Variants in UNC79 observed in about 807,000 individuals in gnomAD.
The protein encoded by UNC79 is protein unc-79 homolog.
Under a neutral mutation model 283.1 loss-of-function variants are expected in UNC79, and 37 were observed. The ratio of observed to expected loss-of-function variants is 0.13; its 90% CI spans 0.10 to 0.17. UNC79 has a LOEUF of 0.17. Ranked by LOEUF, UNC79 falls within the 10% of genes least tolerant of loss-of-function variation. The pLI is 1.00. For synonymous variants in UNC79, 1,107 were observed against 1,200.2 expected, an observed-to-expected ratio of 0.92 and a Z score of 1.61; for missense variants, 2,272 against 3,211.1, an observed-to-expected ratio of 0.71 and a Z score of 7.07.
intron 6 of UNC79, 129 bp from the exon 7 acceptor site, chr14:93,497,028 T>A: frequency 3.1e-6 from 3 of 963,168 alleles, no homozygotes; most frequent in Non-Finnish European, 4.6e-6. Flanking sequence ...CATGTCTGCA[T>A]GAGATTCCAG....
Position 93,673,288 on chromosome 14 carries a change from A to G in UNC79, c.6637-63A>G. 2.1e-6 allele frequency: 3 copies of G among 1,452,942 alleles called. 1 individual carries two copies. In the South Asian group the frequency reaches 3.8e-5, roughly 18 times the overall value. 90.0% of individuals were successfully genotyped at this position (1,452,942 alleles called of 1,614,324 possible). On this transcript the variant is annotated intron_variant, in intron 40 of 48. Transcript: ENST00000555664. ...CGTGAATTTTTTGGAAGCTCTTTTG[A>G]CATGGATATACTCTAATTGAATTTC...
At chr14:93,521,702 A>C (rs2060328471) in intron 7 of UNC79, among the ~76,000 whole-genome samples, 1 of 150,838 alleles carries the variant, frequency 6.6e-6, no homozygotes, top group Admixed American at 6.6e-5. Flanking sequence ...AGGCAAGTCT[A>C]ATACCAATTT....
At chr14:93,698,006 A>T (rs1007032643) in intron 47 of UNC79, among the ~76,000 whole-genome samples, 1 of 152,158 alleles carries the variant, frequency 6.6e-6, no homozygotes, top group Non-Finnish European at 1.5e-5. Flanking sequence ...GATTATTTAG[A>T]ACTATATTGT....
At chr14:93,597,655 A>C in intron 24 of UNC79, 115 bp downstream of exon 24, 2 of 1,151,754 alleles carry the variant, frequency 1.7e-6, no homozygotes, top group Non-Finnish European at 1.2e-6. Context: ...AATACCATAA[A>C]CTGGGTAGTT....
chr14:93,467,079 CTCA>C (rs146017783), intron 1 of UNC79, among the ~76,000 whole-genome samples: 2,296 of 152,260 alleles, frequency 0.015, 58 homozygotes, highest in African/African-American at 0.053. Context: ...TTACTTAACA[CTCA>C]TCATGTTAAT....
intron 1 of UNC79, among the ~76,000 whole-genome samples, chr14:93,402,322 TA>T (rs1356305268): frequency 1.4e-5 from 2 of 147,056 alleles, no homozygotes; most frequent in African/African-American, 2.5e-5. Context: ...AAAACCAGCT[TA>T]AAAAAATTAT....
exon 12 of UNC79, chr14:93,538,003 C>A (rs761016692): frequency 6.2e-7 from 1 of 1,612,828 alleles, no homozygotes; most frequent in Non-Finnish European, 8.5e-7. Context: ...GCAGTTCCCA[C>A]GTTAGAAGAG....
At chr14:93,452,877 G>A (rs961018903) in intron 1 of UNC79, among the ~76,000 whole-genome samples, 1 of 152,140 alleles carries the variant, frequency 6.6e-6, no homozygotes, top group Non-Finnish European at 1.5e-5. Flanking sequence ...AGTTTTAAGA[G>A]TCTTAAAAGC....
Position 93,523,964 on chromosome 14 carries a change from GCTTTA to G in UNC79, c.899-7_899-3del. The G allele has an allele frequency of 6.2e-7, 1 of 1,613,404 alleles. No individual in the cohort carries two copies. Among genetic ancestry groups the G allele is most frequent in the Non-Finnish European group, 8.5e-7 (1 of 1,179,404 alleles). ...TCAATGAGAAGTATTCATCAGCTGT[GCTTTA>G]CTTTACAGCTTGGAATCCCATCCAC... On this transcript the variant is annotated splice_polypyrimidine_tract_variant and intron_variant, in intron 7 of 48. Coordinates refer to ENST00000555664, the Ensembl canonical transcript of UNC79.
At chr14:93,650,276 T>C (rs1050225602) in intron 35 of UNC79, among the ~76,000 whole-genome samples, 1 of 152,208 alleles carries the variant, frequency 6.6e-6, no homozygotes, top group Admixed American at 6.5e-5. Flanking sequence ...AACATTCTTA[T>C]AAAAGCCCTT....
At chr14:93,495,707 C>T (rs530196415) in intron 5 of UNC79, among the ~76,000 whole-genome samples, 8 of 152,160 alleles carry the variant, frequency 5.3e-5, no homozygotes, top group East Asian at 3.9e-4. Context: ...TTGAAGGACA[C>T]GGAGGTCATT....
chr14:93,383,324 G>A (rs948260904), intron 1 of UNC79, among the ~76,000 whole-genome samples: 1 of 152,114 alleles, frequency 6.6e-6, no homozygotes, highest in Admixed American at 6.6e-5. Context: ...GGTTATGGGT[G>A]GGTAGGGAAG....
At position 93,605,554 on chromosome 14, in the gene UNC79, C is replaced by T. The variant is rs567844685; in HGVS notation, c.3754+2136C>T. Among the ~76,000 whole-genome samples the T allele has an allele frequency of 1.2e-4, 19 of 152,306 alleles. 1 individual carries two copies. The South Asian group carries it at 3.7e-3, about 30-fold the overall frequency. ...AGAGGGCATTGGCAAGGAGATTCCA[C>T]ATGAATGGTGCCGTGACTCACTGGG... On this transcript the variant is annotated intron_variant, in intron 26 of 48. Coordinates refer to ENST00000555664, the Ensembl canonical transcript of UNC79.
At chr14:93,600,471 T>C (rs2065420443) in intron 24 of UNC79, 98 bp from the exon 25 acceptor site, 6 of 786,074 alleles carry the variant, frequency 7.6e-6, no homozygotes, top group Non-Finnish European at 1.2e-5. Context: ...TAGGCTGCCT[T>C]GTTTCATTGA....
intron 14 of UNC79, among the ~76,000 whole-genome samples, chr14:93,562,195 G>A (rs1349931636): frequency 6.6e-6 from 1 of 152,088 alleles, no homozygotes. Flanking sequence ...TGGCAGTTGG[G>A]GTACTATAGA....
chr14:93,660,902 C>A (rs892553749), intron 39 of UNC79, among the ~76,000 whole-genome samples: 6 of 151,926 alleles, frequency 3.9e-5, no homozygotes, highest in African/African-American at 1.5e-4. Context: ...AAGGCAATAG[C>A]ATTTATATGG....
intron 45 of UNC79, 55 bp from the exon 49 acceptor site, chr14:93,691,694 G>C (rs1179061502): frequency 6.3e-7 from 1 of 1,599,630 alleles, no homozygotes; most frequent in Non-Finnish European, 8.5e-7. Context: ...GGACTCCGTG[G>C]AGGGCCACAG....
intron 11 of UNC79, among the ~76,000 whole-genome samples, chr14:93,536,482 C>G (rs1275900768): frequency 1.3e-5 from 2 of 152,090 alleles, no homozygotes; most frequent in African/African-American, 4.8e-5. Flanking sequence ...CTATTTTTTG[C>G]TTATAGAAGT....
chr14:93,604,268 T>G (rs1358659082), intron 26 of UNC79, among the ~76,000 whole-genome samples: 1 of 152,202 alleles, frequency 6.6e-6, no homozygotes, highest in Non-Finnish European at 1.5e-5. Flanking sequence ...TCTTATCCTG[T>G]CAGAAGTTGA....
Sources: gnomAD v4.1 joint callset for allele counts (sites outside exome capture counted in the v4.1 genomes callset) on GRCh38, gnomAD v4.1.1 for gene constraint, MANE v1.5 for transcripts, NCBI Gene and HGNC (gene_info 2026-07-23, HGNC 2026-07-21) for gene names.